The following LINGO2 variants were observed in gnomAD, a reference collection of about 807,000 sequenced individuals.
LINGO2 encodes the protein leucine-rich repeat and immunoglobulin-like domain-containing nogo receptor-interacting protein 2.
In LINGO2, 14 loss-of-function variants were observed where a neutral mutation model predicts 30.6. That is an observed-to-expected ratio of 0.46 (90% confidence interval 0.30 to 0.72). The LOEUF (loss-of-function observed/expected upper bound fraction) is 0.72. Ranked by LOEUF, LINGO2 falls within the 30% of genes least tolerant of loss-of-function variation. The pLI is 0.07. For missense variants in LINGO2, 729 were observed against 751.7 expected, an observed-to-expected ratio of 0.97 and a Z score of 0.35; for synonymous variants, 317 against 288.5, an observed-to-expected ratio of 1.10 and a Z score of -1.00.
At position 28,051,295 on chromosome 9, in the gene LINGO2, CAT is replaced by C. The variant is rs540572702; in HGVS notation, c.-86-38892_-86-38891del. Among the ~76,000 whole-genome samples, 23 of 152,156 alleles carry C rather than the reference CAT, an allele frequency of 1.5e-4. 1 individual carries two copies. The highest frequency in any genetic ancestry group is 1.0e-3 in the South Asian group (5 of 4,826). On this transcript the variant is annotated intron_variant, in intron 4 of 5. Coordinates refer to ENST00000379992, the Ensembl canonical transcript of LINGO2. ...ACAGTATTGGGTCAAGTTCATAAAA[CAT>C]ATGACAAATCCCTCCGTCTCTGCAG...
intron 4 of LINGO2, among the ~76,000 whole-genome samples, chr9:28,091,192 T>G (rs546298197): frequency 6.6e-6 from 1 of 152,066 alleles, no homozygotes; most frequent in Non-Finnish European, 1.5e-5. Flanking sequence ...AATGACTTTC[T>G]TCACAGAATT....
chr9:28,018,016 A>G (rs1822927034), intron 4 of LINGO2, among the ~76,000 whole-genome samples: 1 of 152,160 alleles, frequency 6.6e-6, no homozygotes, highest in African/African-American at 2.4e-5. Flanking sequence ...AGACCCATAG[A>G]CCAATGAAAC....
chr9:28,866,722 G>A, the LINGO2 span, among the ~76,000 whole-genome samples: 1 of 152,142 alleles, frequency 6.6e-6, no homozygotes, highest in Admixed American at 6.6e-5. Flanking sequence ...ACTAATGTGA[G>A]CATGAATTCA....
intron 2 of LINGO2, among the ~76,000 whole-genome samples, chr9:28,451,183 T>A (rs931719489): frequency 6.6e-6 from 1 of 151,890 alleles, no homozygotes; most frequent in African/African-American, 2.4e-5. Context: ...TTATAAGAAC[T>A]CTACTTGGGT....
the LINGO2 span, among the ~76,000 whole-genome samples, chr9:28,955,124 G>T: frequency 2.2e-4 from 34 of 151,932 alleles, no homozygotes; most frequent in Non-Finnish European, 1.0e-4. Context: ...AGAGAAGGAG[G>T]AAAGTGTGAA....
At chr9:28,693,501 A>G in the LINGO2 span, among the ~76,000 whole-genome samples, 1 of 152,144 alleles carries the variant, frequency 6.6e-6, no homozygotes, top group African/African-American at 2.4e-5. Flanking sequence ...ATGTAAAATA[A>G]TAATTATTCT....
intron 2 of LINGO2, among the ~76,000 whole-genome samples, chr9:28,472,078 G>A (rs76479986): frequency 0.02 from 3,096 of 152,064 alleles, 98 homozygotes; most frequent in East Asian, 0.098. Flanking sequence ...GAAAAAAGAG[G>A]GCCCTTTCAA....
chr9:28,731,800 G>A, the LINGO2 span, among the ~76,000 whole-genome samples: 2 of 152,142 alleles, frequency 1.3e-5, no homozygotes, highest in African/African-American at 4.8e-5. Context: ...AAAATATCCT[G>A]TGATACTGTA....
intron 4 of LINGO2, among the ~76,000 whole-genome samples, chr9:28,035,212 G>C (rs989320366): frequency 6.6e-6 from 1 of 152,164 alleles, no homozygotes; most frequent in African/African-American, 2.4e-5. Flanking sequence ...CTGCTAACTC[G>C]GTTGATAAGT....
intron 1 of LINGO2, among the ~76,000 whole-genome samples, chr9:28,490,505 G>A (rs1015317097): frequency 3.3e-5 from 5 of 152,152 alleles, no homozygotes; most frequent in Admixed American, 1.3e-4. Context: ...AATTTGCACA[G>A]AGTCATAAAT....
the LINGO2 span, among the ~76,000 whole-genome samples, chr9:29,125,643 C>A: frequency 6.6e-6 from 1 of 152,060 alleles, no homozygotes; most frequent in Non-Finnish European, 1.5e-5. Context: ...ATAAATATAA[C>A]ACTTATTGAC....
chr9:29,120,837 A>G, the LINGO2 span, among the ~76,000 whole-genome samples: 1 of 152,218 alleles, frequency 6.6e-6, no homozygotes, highest in Admixed American at 6.5e-5. Flanking sequence ...AAAGTTCATT[A>G]GTAGAACTTG....
chr9:29,076,759 T>A, the LINGO2 span, among the ~76,000 whole-genome samples: 1 of 151,860 alleles, frequency 6.6e-6, no homozygotes, highest in Non-Finnish European at 1.5e-5. Context: ...CTCAGTCACT[T>A]CTTCTGTTAC....
chr9:28,962,964 T>C, the LINGO2 span, among the ~76,000 whole-genome samples: 1 of 151,972 alleles, frequency 6.6e-6, no homozygotes, highest in Non-Finnish European at 1.5e-5. Flanking sequence ...CTACTTATCC[T>C]TGAAGGTTTA....
the LINGO2 span, among the ~76,000 whole-genome samples, chr9:28,769,954 C>A: frequency 1.3e-5 from 2 of 152,096 alleles, no homozygotes; most frequent in African/African-American, 4.8e-5. Flanking sequence ...CTCCTAACTT[C>A]ACAAAGTTCT....
At chr9:29,122,430 C>A in the LINGO2 span, among the ~76,000 whole-genome samples, 1 of 151,956 alleles carries the variant, frequency 6.6e-6, no homozygotes, top group South Asian at 2.1e-4. Flanking sequence ...AATAAGACTA[C>A]ACAATTAAAC....
intron 3 of LINGO2, among the ~76,000 whole-genome samples, chr9:28,366,132 C>G (rs1820664343): frequency 6.6e-6 from 1 of 152,166 alleles, no homozygotes. Context: ...CCTTTTTCGT[C>G]TAACCTCCGT....
intron 4 of LINGO2, among the ~76,000 whole-genome samples, chr9:28,122,629 A>G (rs913388791): frequency 6.6e-6 from 1 of 152,190 alleles, no homozygotes; most frequent in Non-Finnish European, 1.5e-5. Flanking sequence ...AAGTTGTACA[A>G]TCGTTCCTCC....
chr9:28,853,532 GT>G, the LINGO2 span, among the ~76,000 whole-genome samples: 1 of 151,948 alleles, frequency 6.6e-6, no homozygotes, highest in Non-Finnish European at 1.5e-5. Flanking sequence ...TCCTAACGTA[GT>G]AGTTCATTCT....
Sources: allele counts gnomAD v4.1 joint callset (sites outside exome capture counted in the v4.1 genomes callset), GRCh38; gene constraint gnomAD v4.1.1; transcripts MANE v1.5; gene names NCBI Gene and HGNC (gene_info 2026-07-23, HGNC 2026-07-21).